UGT1A9: variants seen among roughly 807,000 people sequenced by gnomAD.
UGT1A9 encodes the protein UDP glucuronosyltransferase family 1 member A9, also known as UDP-glucuronosyltransferase 1A9.
UGT1A9 carries 35 observed loss-of-function variants against 45.0 expected under a neutral mutation model. That is an observed-to-expected ratio of 0.78 (90% CI 0.59 to 1.03). UGT1A9 has a LOEUF of 1.03. Ranked by LOEUF, UGT1A9 falls within the 50% of genes least tolerant of loss-of-function variation. UGT1A9 has a pLI of 0.00. For synonymous variants in UGT1A9, 278 were observed against 250.6 expected, an observed-to-expected ratio of 1.11 and a Z score of -1.03; for missense variants, 687 against 666.6, an observed-to-expected ratio of 1.03 and a Z score of -0.34.
chr2:233,724,349 A>G (rs1243720800), intron 1 of UGT1A9, among the ~76,000 whole-genome samples: 1 of 126,480 alleles, frequency 7.9e-6, no homozygotes, highest in Admixed American at 7.8e-5. Flanking sequence ...GACCCCCCCC[A>G]CCTCCCTCCC....
intron 1 of UGT1A9, among the ~76,000 whole-genome samples, chr2:233,733,221 G>T (rs531413389): frequency 2.6e-5 from 4 of 152,188 alleles, no homozygotes; most frequent in African/African-American, 2.4e-5. Flanking sequence ...GAGACAATGG[G>T]GTTTTCTAAA....
At chr2:233,741,305 C>T (rs1177807292) in intron 1 of UGT1A9, among the ~76,000 whole-genome samples, 1 of 151,474 alleles carries the variant, frequency 6.6e-6, no homozygotes, top group Non-Finnish European at 1.5e-5. Context: ...TGTGTAGATA[C>T]ACACCAACTC....
chr2:233,767,737 C>A, intron 2 of UGT1A9, 112 bp from the exon 3 acceptor site: 1 of 1,571,400 alleles, frequency 6.4e-7, no homozygotes, highest in South Asian at 1.2e-5. Context: ...TCCTCCCACT[C>A]TGTTAAAGAC....
chr2:233,705,461 A>C (rs142417974), intron 1 of UGT1A9, among the ~76,000 whole-genome samples: 3,272 of 152,314 alleles, frequency 0.021, 112 homozygotes, highest in African/African-American at 0.075. Flanking sequence ...ATTTTTTAGC[A>C]GACACACATG....
At chr2:233,729,370 A>G (rs1463056784) in intron 1 of UGT1A9, 15 of 1,613,960 alleles carry the variant, frequency 9.3e-6, no homozygotes, top group Non-Finnish European at 1.2e-5. Flanking sequence ...AACCTATGCC[A>G]TTTCGTGGAC....
chr2:233,682,698 G>T (rs144940363), intron 1 of UGT1A9: 1 of 1,613,794 alleles, frequency 6.2e-7, no homozygotes, highest in Non-Finnish European at 8.5e-7. Flanking sequence ...TGGTTGTTGC[G>T]AACTGACTTT....
At position 233,746,640 on chromosome 2, in the gene UGT1A9, A is replaced by C. The variant is rs553124614; in HGVS notation, c.856-20394A>C. Among the ~76,000 whole-genome samples the C allele has an allele frequency of 3.3e-5, 5 of 151,640 alleles. No individual in the cohort carries two copies. In the East Asian group the frequency reaches 9.7e-4, roughly 29 times the overall value. On this transcript the variant is annotated intron_variant, in intron 1 of 4. Transcript: ENST00000354728. ...TCCTTTCAGGCAAGGACCATTTCTA[A>C]CTTGGCTTTCTGTCCCGAGTTCCTA...
Position 233,743,419 on chromosome 2 carries a change from G to A in UGT1A9, c.856-23615G>A, listed in dbSNP as rs577178509. The A allele has an allele frequency of 1.8e-5, 24 of 1,337,466 alleles. No individual in the cohort carries two copies. In the East Asian group the frequency reaches 1.2e-3, roughly 65 times the overall value. The allele number at this position is 1,337,466 out of a possible 1,614,324, so 82.8% of individuals were successfully genotyped here. On this transcript the variant is annotated intron_variant, in intron 1 of 4. Transcript: ENST00000354728. ...GGAAGAAAGGCCCCCACTTCCCAGG[G>A]AGCCAAAGGAACGAAATCCTGTATC... is the stretch of plus-strand genomic sequence containing the variant.
intron 1 of UGT1A9, chr2:233,760,221 A>G (rs920580015): frequency 2.5e-5 from 40 of 1,592,616 alleles, no homozygotes; most frequent in Non-Finnish European, 3.3e-5. Context: ...TGGTGTATCG[A>G]TTGGTTTTTG....
chr2:233,759,810 A>G (rs1374483209), intron 1 of UGT1A9, among the ~76,000 whole-genome samples: 1 of 152,220 alleles, frequency 6.6e-6, no homozygotes, highest in Non-Finnish European at 1.5e-5. Flanking sequence ...GTGAGCAGGC[A>G]GTACCGGGGG....
rs45497792 is a variant in UGT1A9, at chr2:233,681,467, G to A, written c.855+8678G>A. 3.0e-3 allele frequency among the ~76,000 whole-genome samples: 440 copies of A among 144,686 alleles called. 4 individuals are homozygous for A. Among genetic ancestry groups the A allele is most frequent in the African/African-American group, 0.011 (418 of 38,962 alleles). 94.9% of individuals were successfully genotyped at this position (144,686 alleles called of 152,430 possible). On this transcript the variant is annotated intron_variant, in intron 1 of 4. Transcript: ENST00000354728. ...AATCGTTTGAACCCAGGAAGTGGAGGTTGCAGTGAGCCTAGATCTTACCAC... is the reference window on the plus strand; with the variant it reads ...AATCGTTTGAACCCAGGAAGTGGAGATTGCAGTGAGCCTAGATCTTACCAC...
rs140814031 is a variant in UGT1A9, at chr2:233,682,289, G to T, written c.855+9500G>T. 1.2e-3 allele frequency: 1,976 copies of T among 1,614,118 alleles called. 25 individuals are homozygous for T. Among genetic ancestry groups the T allele is most frequent in the Middle Eastern group, 3.3e-4 (2 of 6,062 alleles). On this transcript the variant is annotated intron_variant, in intron 1 of 4. Transcript: ENST00000354728. ...AACAAGTTCATCCAATGGTATTTTT[G>T]ACTTATTTTTTTCAAATTGCAGGAG... is the stretch of plus-strand genomic sequence containing the variant.
chr2:233,772,677 A>C lies in UGT1A9; in HGVS notation c.*118A>C. The C allele has an allele frequency of 1.4e-5, 22 of 1,531,978 alleles. No homozygotes were observed. The highest frequency in any genetic ancestry group is 1.8e-5 in the Non-Finnish European group (21 of 1,142,190). 94.9% of individuals were successfully genotyped at this position (1,531,978 alleles called of 1,614,324 possible). On this transcript the variant is annotated 3_prime_UTR_variant, in exon 5 of 5. Transcript: ENST00000354728. Reference sequence around the variant, plus strand: ...ATTAAGGAAATACTTTGCATAAATTAATCAGCCCCAGAGTGCTTTAAAAAA... The same window carrying C: ...ATTAAGGAAATACTTTGCATAAATTCATCAGCCCCAGAGTGCTTTAAAAAA...
At chr2:233,758,825 C>A (rs929060485) in intron 1 of UGT1A9, among the ~76,000 whole-genome samples, 2 of 152,114 alleles carry the variant, frequency 1.3e-5, no homozygotes, top group Admixed American at 6.5e-5. Flanking sequence ...ATATCCCCCC[C>A]AAAAAGAGTG....
chr2:233,709,781 G>A (rs2076092056), intron 1 of UGT1A9, among the ~76,000 whole-genome samples: 1 of 152,082 alleles, frequency 6.6e-6, no homozygotes, highest in South Asian at 2.1e-4. Flanking sequence ...GCAATAAAGT[G>A]CACCGTTTTA....
At chr2:233,679,002 G>A (rs1421713057) in intron 1 of UGT1A9, among the ~76,000 whole-genome samples, 1 of 152,164 alleles carries the variant, frequency 6.6e-6, no homozygotes, top group Non-Finnish European at 1.5e-5. Flanking sequence ...AATAACAGTG[G>A]CATCTTCAGT....
chr2:233,689,769 G>A (rs2074957726), intron 1 of UGT1A9: 4 of 306,304 alleles, frequency 1.3e-5, no homozygotes, highest in East Asian at 1.1e-4. Context: ...AAAACAACTC[G>A]GGGACATATG....
intron 1 of UGT1A9, among the ~76,000 whole-genome samples, chr2:233,724,945 C>G (rs1463938035): frequency 1.4e-5 from 2 of 144,514 alleles, no homozygotes; most frequent in African/African-American, 5.3e-5. Context: ...GTCTGCAATC[C>G]CGGCACCTCG....
intron 1 of UGT1A9, among the ~76,000 whole-genome samples, chr2:233,683,508 C>T (rs1219517388): frequency 6.6e-6 from 1 of 152,048 alleles, no homozygotes; most frequent in Non-Finnish European, 1.5e-5. Flanking sequence ...GGGTATCATC[C>T]TATGAGTATG....
Sources: gnomAD v4.1 joint callset for allele counts (sites outside exome capture counted in the v4.1 genomes callset) on GRCh38, gnomAD v4.1.1 for gene constraint, MANE v1.5 for transcripts, NCBI Gene and HGNC (gene_info 2026-07-23, HGNC 2026-07-21) for gene names.